The following ROBO2 variants were observed in gnomAD, a reference collection of about 807,000 sequenced individuals.
ROBO2 encodes the protein roundabout guidance receptor 2.
Under a neutral mutation model 160.8 loss-of-function variants are expected in ROBO2, and 53 were observed. The ratio of observed to expected loss-of-function variants is 0.33; its 90% confidence interval spans 0.26 to 0.41. The LOEUF (loss-of-function observed/expected upper bound fraction) is 0.41. Ranked by LOEUF, ROBO2 falls within the 10% of genes least tolerant of loss-of-function variation. ROBO2 has a pLI of 1.00. For missense variants in ROBO2, 1,577 were observed against 1,722.4 expected (o/e 0.92, Z 1.49); for synonymous variants, 664 against 611.7 (o/e 1.09, Z -1.26).
chr3:76,430,114 C>G (rs2076378174), intron 2 of ROBO2, among the ~76,000 whole-genome samples: 1 of 152,128 alleles, frequency 6.6e-6, no homozygotes, highest in Non-Finnish European at 1.5e-5. Flanking sequence ...ATTAGGGTCT[C>G]TAGTTTTTCC....
In ROBO2 at chr3:76,940,966, C is replaced by T. The variant is rs995820912; in HGVS notation, c.110-157048C>T. 4.6e-5 allele frequency among the ~76,000 whole-genome samples: 7 copies of T among 152,260 alleles called. No individual in the cohort carries two copies. In the South Asian group the frequency reaches 1.2e-3, roughly 27 times the overall value. ...TTTTTCAAAGCCGCCTCAAATGTAACGTATTTAAATTGAAGCCTTGATATT... is the reference window on the plus strand; with the variant it reads ...TTTTTCAAAGCCGCCTCAAATGTAATGTATTTAAATTGAAGCCTTGATATT... On this transcript the variant is annotated intron_variant, in intron 2 of 26. Coordinates refer to the ROBO2 transcript ENST00000487694.
chr3:76,293,993 G>C (rs1708940143), intron 2 of ROBO2, among the ~76,000 whole-genome samples: 1 of 152,170 alleles, frequency 6.6e-6, no homozygotes, highest in Non-Finnish European at 1.5e-5. Context: ...CACTCAGCCT[G>C]TCTCCGATGT....
chr3:76,780,606 G>T (rs1259068481), intron 2 of ROBO2, among the ~76,000 whole-genome samples: 2 of 150,648 alleles, frequency 1.3e-5, no homozygotes, highest in Non-Finnish European at 3.0e-5. Flanking sequence ...GTTGATTTTT[G>T]TGTATGCTGC....
chr3:76,454,449 C>T (rs2077642859), intron 2 of ROBO2, among the ~76,000 whole-genome samples: 1 of 152,084 alleles, frequency 6.6e-6, no homozygotes, highest in Admixed American at 6.6e-5. Context: ...ATCTGCTCAA[C>T]CTCAACTGAT....
intron 2 of ROBO2, among the ~76,000 whole-genome samples, chr3:76,938,358 T>TCCC (rs780322856): frequency 2.4e-5 from 3 of 124,336 alleles, no homozygotes; most frequent in Non-Finnish European, 3.6e-5. Flanking sequence ...GTCCCCCACC[T>TCCC]ACCCCCCCCA....
intron 1 of ROBO2, among the ~76,000 whole-genome samples, chr3:75,929,775 ACCT>A (rs1328660615): frequency 2.0e-5 from 3 of 146,584 alleles, no homozygotes; most frequent in African/African-American, 7.6e-5. Context: ...GCTCACTGCA[ACCT>A]CCTCCTCCCG....
At chr3:76,062,144 C>G (rs376990179) in intron 2 of ROBO2, among the ~76,000 whole-genome samples, 1 of 152,082 alleles carries the variant, frequency 6.6e-6, no homozygotes, top group Admixed American at 6.6e-5. Flanking sequence ...GATTAGAATG[C>G]GGACATTCTT....
At chr3:77,530,658 A>T (rs1205783102) in intron 6 of ROBO2, among the ~76,000 whole-genome samples, 2 of 152,012 alleles carry the variant, frequency 1.3e-5, no homozygotes, top group African/African-American at 4.8e-5. Flanking sequence ...AGAGCTCTTT[A>T]ATCTAACGTT....
intron 2 of ROBO2, among the ~76,000 whole-genome samples, chr3:76,669,560 C>T (rs1426164019): frequency 6.6e-6 from 1 of 152,084 alleles, no homozygotes; most frequent in Non-Finnish European, 1.5e-5. Flanking sequence ...GCTCTGCCAC[C>T]CTGCCTGCCC....
intron 2 of ROBO2, among the ~76,000 whole-genome samples, chr3:76,803,400 G>C (rs1469736547): frequency 4.2e-5 from 6 of 144,532 alleles, no homozygotes; most frequent in African/African-American, 1.5e-4. Context: ...GGAGGAGGAG[G>C]ATACAGAAAA....
In ROBO2 at chr3:76,440,679, T is replaced by C. The variant is rs552785593; in HGVS notation, c.109+503077T>C. 3.1e-4 allele frequency among the ~76,000 whole-genome samples: 47 copies of C among 152,274 alleles called. 1 individual carries two copies. The South Asian group carries it at 8.5e-3, about 28-fold the overall frequency. ...GTATCCACCACATCGTCACACATCATTGGTGAAGGCCTGCTCCTGGAATCA... is the reference window on the plus strand; with the variant it reads ...GTATCCACCACATCGTCACACATCACTGGTGAAGGCCTGCTCCTGGAATCA... On this transcript the variant is annotated intron_variant, in intron 2 of 26. Transcript: ENST00000487694.
At chr3:76,643,778 A>AG (rs2090825680) in intron 2 of ROBO2, among the ~76,000 whole-genome samples, 1 of 152,164 alleles carries the variant, frequency 6.6e-6, no homozygotes, top group Non-Finnish European at 1.5e-5. Context: ...TTAAAAAAAA[A>AG]GTAAATAGAA....
chr3:77,588,340 G>A (rs144704934), intron 16 of ROBO2, among the ~76,000 whole-genome samples: 1,573 of 152,132 alleles, frequency 0.01, 27 homozygotes, highest in African/African-American at 0.036. Context: ...AATATGGACC[G>A]TGCCTTAGCA....
At chr3:76,813,839 GA>G (rs1463955655) in intron 2 of ROBO2, among the ~76,000 whole-genome samples, 1 of 152,020 alleles carries the variant, frequency 6.6e-6, no homozygotes, top group Non-Finnish European at 1.5e-5. Flanking sequence ...TATTTGTACT[GA>G]TTTTTAAACA....
chr3:76,741,086 C>A (rs1318423869), intron 2 of ROBO2, among the ~76,000 whole-genome samples: 1 of 151,954 alleles, frequency 6.6e-6, no homozygotes, highest in Non-Finnish European at 1.5e-5. Context: ...GTCTGTTAGT[C>A]CCTGTAGGAC....
chr3:76,712,836 G>T (rs987322834), intron 2 of ROBO2, among the ~76,000 whole-genome samples: 2 of 151,882 alleles, frequency 1.3e-5, no homozygotes, highest in Non-Finnish European at 2.9e-5. Flanking sequence ...ATATTAGAAT[G>T]ATTTTACTAA....
At chr3:76,024,601 G>A (rs1408047283) in intron 2 of ROBO2, among the ~76,000 whole-genome samples, 5 of 151,334 alleles carry the variant, frequency 3.3e-5, no homozygotes, top group South Asian at 2.1e-4. Flanking sequence ...AAGAGTATTC[G>A]ATATAAAAAA....
At chr3:77,510,259 A>C (rs2089213180) in intron 5 of ROBO2, among the ~76,000 whole-genome samples, 1 of 152,136 alleles carries the variant, frequency 6.6e-6, no homozygotes, top group Admixed American at 6.6e-5. Flanking sequence ...GGCAAATGGA[A>C]CATTAAAGCT....
intron 2 of ROBO2, among the ~76,000 whole-genome samples, chr3:76,564,230 G>A (rs906644250): frequency 1.3e-5 from 2 of 152,190 alleles, no homozygotes; most frequent in Non-Finnish European, 2.9e-5. Context: ...ATAGAAGTGT[G>A]CTGTCATCTG....
Sources: gnomAD v4.1 joint callset for allele counts (sites outside exome capture counted in the v4.1 genomes callset) on GRCh38, gnomAD v4.1.1 for gene constraint, MANE v1.5 for transcripts, NCBI Gene and HGNC (gene_info 2026-07-23, HGNC 2026-07-21) for gene names.